Variants in AKAP7 observed in about 807,000 individuals in gnomAD.
AKAP7 encodes A-kinase anchoring protein 7, also known as A kinase (PRKA) anchor protein 7.
AKAP7 carries 39 observed loss-of-function variants against 39.5 expected under a neutral mutation model. The observed-to-expected ratio is 0.99, with a 90% CI of 0.76 to 1.29. The LOEUF is 1.29. Among genes scored for constraint, AKAP7 ranks in the 50% most tolerant of loss-of-function variants. The pLI is 0.00. For synonymous variants in AKAP7, 140 were observed against 139.1 expected (o/e 1.01, Z -0.05); for missense variants, 414 against 407.7 (o/e 1.02, Z -0.13).
chr6:131,272,665 A>G (rs902099931), intron 7 of AKAP7, among the ~76,000 whole-genome samples: 2 of 152,194 alleles, frequency 1.3e-5, no homozygotes, highest in African/African-American at 4.8e-5. Flanking sequence ...TTCTCAGGGT[A>G]TCTTTCTGTT....
intron 7 of AKAP7, among the ~76,000 whole-genome samples, chr6:131,267,254 G>A (rs1170187602): frequency 2.0e-5 from 3 of 152,192 alleles, no homozygotes; most frequent in Non-Finnish European, 4.4e-5. Context: ...TAAGCATAAT[G>A]ACTGGATATT....
intron 2 of AKAP7, among the ~76,000 whole-genome samples, chr6:131,157,007 C>T (rs1802479966): frequency 6.6e-6 from 1 of 152,028 alleles, no homozygotes; most frequent in Non-Finnish European, 1.5e-5. Flanking sequence ...GATCTCCTGA[C>T]CTCGTGATCC....
intron 7 of AKAP7, among the ~76,000 whole-genome samples, chr6:131,241,089 G>C (rs1024333916): frequency 1.3e-5 from 2 of 152,162 alleles, no homozygotes; most frequent in South Asian, 4.1e-4. Context: ...TGTAGGGAAT[G>C]GGAGCCATCA....
At chr6:131,186,330 C>G (rs574520682) in intron 5 of AKAP7, among the ~76,000 whole-genome samples, 13 of 152,264 alleles carry the variant, frequency 8.5e-5, no homozygotes, top group Non-Finnish European at 1.5e-4. Context: ...CTTCCTGAGG[C>G]CTCCCCAGAA....
In AKAP7 at chr6:131,281,979, G is replaced by C. The variant is rs1008854925; in HGVS notation, c.*253G>C. The C allele has an allele frequency of 2.5e-6, 3 of 1,190,520 alleles. No individual in the cohort carries two copies. The highest frequency in any genetic ancestry group is 3.1e-6 in the Non-Finnish European group (3 of 962,952). The allele number at this position is 1,190,520 out of a possible 1,614,324, so 73.7% of individuals were successfully genotyped here. On this transcript the variant is annotated 3_prime_UTR_variant, in exon 8 of 8. Coordinates refer to ENST00000431975, the MANE Select transcript of AKAP7 (RefSeq NM_016377.4). The surrounding 1 kb of genome is among the most constrained non-coding windows in gnomAD (Gnocchi z 4.0). Reference sequence around the variant, plus strand: ...CCAAGTTTCATTCGCCCTCAGCCACGCACAAGGGAAAGGGAACTTTGGGTT... The same window carrying C: ...CCAAGTTTCATTCGCCCTCAGCCACCCACAAGGGAAAGGGAACTTTGGGTT...
chr6:131,134,726 G>A (rs1354127974), upstream of AKAP7, among the ~76,000 whole-genome samples: 1 of 152,216 alleles, frequency 6.6e-6, no homozygotes, highest in Non-Finnish European at 1.5e-5. Context: ...TACGCCAGCT[G>A]TTGTGGCTGT....
chr6:131,211,289 CTTTT>C (rs978437947), intron 6 of AKAP7, among the ~76,000 whole-genome samples: 11 of 152,202 alleles, frequency 7.2e-5, no homozygotes, highest in African/African-American at 2.6e-4. Context: ...CCACTCACTG[CTTTT>C]TTTATTAGTC....
chr6:131,176,375 T>A (rs1438198591), intron 5 of AKAP7, among the ~76,000 whole-genome samples: 1 of 152,146 alleles, frequency 6.6e-6, no homozygotes, highest in Non-Finnish European at 1.5e-5. Context: ...AATTTTGCAT[T>A]TATATGGCAT....
intron 7 of AKAP7, among the ~76,000 whole-genome samples, chr6:131,228,486 C>G (rs1327772867): frequency 6.6e-6 from 1 of 152,018 alleles, no homozygotes; most frequent in Non-Finnish European, 1.5e-5. Flanking sequence ...TAATCATTTA[C>G]AAGGCTATAC....
At chr6:131,227,216 T>C (rs1810242903) in intron 7 of AKAP7, among the ~76,000 whole-genome samples, 1 of 152,188 alleles carries the variant, frequency 6.6e-6, no homozygotes. Context: ...ATTGCTTTAA[T>C]GGCAAAGACC....
At chr6:131,239,792 C>T (rs1272089081) in intron 7 of AKAP7, among the ~76,000 whole-genome samples, 1 of 152,188 alleles carries the variant, frequency 6.6e-6, no homozygotes, top group African/African-American at 2.4e-5. Flanking sequence ...ATTGGTTATT[C>T]TAGTTAGCCA....
chr6:131,145,935 T>G (rs1801449816), intron 2 of AKAP7, among the ~76,000 whole-genome samples: 1 of 152,158 alleles, frequency 6.6e-6, no homozygotes, highest in South Asian at 2.1e-4. Context: ...ATAATATCTG[T>G]GATAAAATAA....
Position 131,169,149 on chromosome 6 carries a change from A to G in AKAP7, c.465A>G (p.Ile155Met), listed in dbSNP as rs755700478. The G allele has an allele frequency of 6.2e-6, 10 of 1,613,456 alleles. No homozygotes were observed. The African/African-American group carries it at 1.3e-4, about 22-fold the overall frequency. The change falls in exon 5 of 8, where the codon ATA becomes ATG. Residue 155 changes from isoleucine (I) to methionine (M), a missense_variant. Physicochemically the swap from Ile to Met is conservative, Grantham distance 10. Transcript: ENST00000431975. ...IDALLELKPF[I>M]EELLQGKHLT... ...CTCTTTTGGAATTGAAACCATTCAT[A>G]GAAGAACTCCTCCAGGGAAAACATT...
chr6:131,223,023 G>A (rs937231696), intron 7 of AKAP7, among the ~76,000 whole-genome samples: 5 of 152,160 alleles, frequency 3.3e-5, no homozygotes, highest in Non-Finnish European at 7.3e-5. Flanking sequence ...ATTATGACTT[G>A]CTTAATGCTC....
chr6:131,151,498 A>G (rs1036026905), intron 2 of AKAP7, among the ~76,000 whole-genome samples: 4 of 151,068 alleles, frequency 2.6e-5, no homozygotes, highest in Non-Finnish European at 5.9e-5. Context: ...TAATCCCAGC[A>G]CTTTGGGAGG....
upstream of AKAP7, among the ~76,000 whole-genome samples, chr6:131,134,206 A>C (rs1015459305): frequency 6.6e-6 from 1 of 152,186 alleles, no homozygotes; most frequent in African/African-American, 2.4e-5. Context: ...TCCTGGACTC[A>C]AGTGATCCAC....
chr6:131,171,166 GA>G lies in AKAP7; in HGVS notation c.589+1903del, dbSNP rs957824886. On this transcript the variant is annotated intron_variant, in intron 5 of 7. Coordinates refer to ENST00000431975, the MANE Select transcript of AKAP7 (RefSeq NM_016377.4). The stretch of plus-strand genomic sequence containing the variant: ...AACTAGTACTTGGGATAGAAAACTG[GA>G]AAAAAAAAAGATCCTTTTCCTTTAA... 8.2e-5 allele frequency among the ~76,000 whole-genome samples: 12 copies of G among 147,130 alleles called. 1 individual carries two copies. The highest frequency in any genetic ancestry group is 5.9e-4 in the East Asian group (3 of 5,076).
chr6:131,229,317 G>A (rs575497308), intron 7 of AKAP7, among the ~76,000 whole-genome samples: 1 of 152,174 alleles, frequency 6.6e-6, no homozygotes, highest in South Asian at 2.1e-4. Context: ...CACACAGTAG[G>A]ATAATGAACT....
At chr6:131,181,462 C>T (rs1312475418) in intron 5 of AKAP7, among the ~76,000 whole-genome samples, 1 of 152,224 alleles carries the variant, frequency 6.6e-6, no homozygotes, top group Non-Finnish European at 1.5e-5. Context: ...TTCACCCATT[C>T]TACTGCAATA....
Sources: gnomAD v4.1 joint callset for allele counts (sites outside exome capture counted in the v4.1 genomes callset) on GRCh38, gnomAD v4.1.1 for gene constraint, Gnocchi (gnomAD v3.1) non-coding constraint, MANE v1.5 for transcripts, NCBI Gene and HGNC (gene_info 2026-07-23, HGNC 2026-07-21) for gene names.